MTM1: variants seen among roughly 807,000 people sequenced by gnomAD.
The protein encoded by MTM1 is myotubularin 1.
In MTM1, 9 loss-of-function variants were observed where a neutral mutation model predicts 52.1. The observed-to-expected ratio is 0.17, with a 90% CI of 0.10 to 0.30. The LOEUF (loss-of-function observed/expected upper bound fraction) is 0.30, where lower values mean the gene tolerates loss of function less well. MTM1 is among the 10% of genes least tolerant of loss of function. The pLI, the probability that MTM1 is intolerant of heterozygous loss-of-function variation, is 1.00. For synonymous variants in MTM1, 136 were observed against 163.8 expected, an observed-to-expected ratio of 0.83 and a Z score of 1.29; for missense variants, 277 against 470.7, an observed-to-expected ratio of 0.59 and a Z score of 3.81.
At chrX:150,615,251 C>G (rs1445526893) in intron 5 of MTM1, among the ~76,000 whole-genome samples, 2 of 111,206 alleles carry the variant, frequency 1.8e-5, no homozygotes, top group African/African-American at 6.5e-5. Context: ...GATGGGAGCC[C>G]GAGGCTCCAA....
In MTM1 at chrX:150,596,587, A is replaced by C; in HGVS notation, c.136+17A>C. ...TAATCACTGGTAAGGACCTGCTGACATAAGATTTGCATAACTTGAGGAGAA... is the reference window on the plus strand; with the variant it reads ...TAATCACTGGTAAGGACCTGCTGACCTAAGATTTGCATAACTTGAGGAGAA... On this transcript the variant is annotated intron_variant, in intron 3 of 14. Coordinates refer to ENST00000370396, the MANE Select transcript of MTM1 (RefSeq NM_000252.3). 1 of 1,184,639 alleles carries C rather than the reference A, an allele frequency of 8.4e-7. No homozygotes were observed. Among genetic ancestry groups the C allele is most frequent in the Non-Finnish European group, 1.1e-6 (1 of 871,154 alleles).
chrX:150,600,370 C>T lies in MTM1; in HGVS notation c.231+1684C>T, dbSNP rs782224249. The stretch of plus-strand genomic sequence containing the variant: ...GTAAAGGATAGGAGGTCTGTCTTAA[C>T]GGATCCAAGCTTATTTGAACCAGTA... On this transcript the variant is annotated intron_variant, in intron 4 of 14. Transcript: ENST00000370396. 1.2e-4 allele frequency among the ~76,000 whole-genome samples: 14 copies of T among 112,080 alleles called. No individual in the cohort carries two copies. The South Asian group carries it at 4.8e-3, about 39-fold the overall frequency.
chrX:150,565,112 C>A (rs5925327), upstream of MTM1, among the ~76,000 whole-genome samples: 14,165 of 111,963 alleles, frequency 0.13, 708 homozygotes, highest in Admixed American at 0.22. Context: ...TGCACAGGGG[C>A]TTACCCCCTA....
chrX:150,625,387 A>G (rs1217184655), intron 6 of MTM1, among the ~76,000 whole-genome samples: 1 of 111,727 alleles, frequency 9.0e-6, no homozygotes, highest in Non-Finnish European at 1.9e-5. Context: ...CTTTTGCCCA[A>G]GACTATTAAT....
chrX:150,574,243 A>G (rs892358191), intron 1 of MTM1, among the ~76,000 whole-genome samples: 29 of 111,560 alleles, frequency 2.6e-4, no homozygotes, highest in Non-Finnish European at 2.6e-4. Flanking sequence ...TAATCTCCCC[A>G]GAGATTCCCA....
At chrX:150,582,984 T>A (rs782617151) in intron 1 of MTM1, among the ~76,000 whole-genome samples, 47 of 98,500 alleles carry the variant, frequency 4.8e-4, no homozygotes, top group African/African-American at 1.7e-3. Flanking sequence ...ATTATCCATC[T>A]TCTCCAGATA....
chrX:150,636,006 C>T (rs1331046661), intron 6 of MTM1, among the ~76,000 whole-genome samples: 8 of 112,028 alleles, frequency 7.1e-5, no homozygotes, highest in South Asian at 3.7e-4. Flanking sequence ...GGCTGTTGTG[C>T]GATTCATAAT....
At chrX:150,633,938 G>A (rs2039713799) in intron 6 of MTM1, among the ~76,000 whole-genome samples, 1 of 112,348 alleles carries the variant, frequency 8.9e-6, no homozygotes, top group Non-Finnish European at 1.9e-5. Context: ...TGGAGGCTGA[G>A]GCACGAGAAT....
At chrX:150,594,302 G>C (rs1190541951) in intron 2 of MTM1, among the ~76,000 whole-genome samples, 1 of 109,776 alleles carries the variant, frequency 9.1e-6, no homozygotes, top group East Asian at 2.9e-4. Context: ...TAGAGTTGGG[G>C]TTTCACCATG....
chrX:150,609,997 A>C (rs1190704870), intron 4 of MTM1, among the ~76,000 whole-genome samples: 2 of 111,133 alleles, frequency 1.8e-5, no homozygotes, highest in Non-Finnish European at 3.8e-5. Flanking sequence ...AATTCCCATC[A>C]CCGTTGCTGA....
intron 4 of MTM1, among the ~76,000 whole-genome samples, chrX:150,613,302 A>G (rs1381563866): frequency 1.8e-5 from 2 of 111,927 alleles, no homozygotes; most frequent in African/African-American, 6.5e-5. Context: ...GTAGCCCTTC[A>G]TGTCTTTGTC....
At chrX:150,606,002 CTTG>C (rs2039150516) in intron 4 of MTM1, among the ~76,000 whole-genome samples, 1 of 106,559 alleles carries the variant, frequency 9.4e-6, no homozygotes. Flanking sequence ...GTATTTTTTC[CTTG>C]AAGAAAAAAA....
chrX:150,634,757 G>A (rs1374253075), intron 6 of MTM1, among the ~76,000 whole-genome samples: 1 of 111,882 alleles, frequency 8.9e-6, no homozygotes, highest in Non-Finnish European at 1.9e-5. Flanking sequence ...CCATTTGAGA[G>A]TATCTTCTGT....
chrX:150,590,863 A>G (rs965041117), intron 1 of MTM1, among the ~76,000 whole-genome samples: 1 of 112,107 alleles, frequency 8.9e-6, no homozygotes, highest in African/African-American at 3.2e-5. Flanking sequence ...ATATTAAAGT[A>G]TCTATACTAA....
chrX:150,660,746 G>C (rs1181992866), intron 13 of MTM1, among the ~76,000 whole-genome samples: 1 of 111,691 alleles, frequency 9.0e-6, no homozygotes, highest in African/African-American at 3.3e-5. Flanking sequence ...TTTCTGGTGA[G>C]AGCCTCAGGC....
chrX:150,626,615 G>A (rs2039574262), intron 6 of MTM1, among the ~76,000 whole-genome samples: 1 of 111,706 alleles, frequency 9.0e-6, no homozygotes, highest in African/African-American at 3.3e-5. Flanking sequence ...GCCAACATAG[G>A]ATGTTTTATT....
Position 150,583,709 on chromosome X carries a change from A to AATTATATATATTATATAAATTATAT in MTM1, c.-10-8885_-10-8861dup, listed in dbSNP as rs1248274226. Among the ~76,000 whole-genome samples, 9 of 44,229 alleles carry AATTATATATATTATATAAATTATAT rather than the reference A, an allele frequency of 2.0e-4. 1 individual carries two copies. The highest frequency in any genetic ancestry group is 5.4e-4 in the Admixed American group (1 of 1,848). The allele number at this position is 44,229 out of a possible 115,157, so 38.4% of individuals were successfully genotyped here. On this transcript the variant is annotated intron_variant, in intron 1 of 14. Coordinates refer to ENST00000370396, the MANE Select transcript of MTM1 (RefSeq NM_000252.3). Reference sequence around the variant, plus strand: ...TGTATATATTATTTATAAATATATAAATTATATATATTATATAAATTATAT... The same window carrying AATTATATATATTATATAAATTATAT: ...TGTATATATTATTTATAAATATATAAATTATATATATTATATAAATTATATATTATATATATTATATAAATTATAT...
At chrX:150,629,136 A>C (rs2039621416) in intron 6 of MTM1, among the ~76,000 whole-genome samples, 1 of 111,362 alleles carries the variant, frequency 9.0e-6, no homozygotes. Context: ...AACTTCAACC[A>C]GTTCCTCCCT....
chrX:150,581,720 CTG>C (rs1182782619), intron 1 of MTM1, among the ~76,000 whole-genome samples: 1 of 111,898 alleles, frequency 8.9e-6, no homozygotes, highest in Non-Finnish European at 1.9e-5. Flanking sequence ...AGATATCTAT[CTG>C]TTAGTGGATG....
Sources: gnomAD v4.1 joint callset for allele counts (sites outside exome capture counted in the v4.1 genomes callset) on GRCh38, gnomAD v4.1.1 for gene constraint, MANE v1.5 for transcripts, NCBI Gene and HGNC (gene_info 2026-07-23, HGNC 2026-07-21) for gene names.